The following RNF38 variants were observed in gnomAD, a reference collection of about 807,000 sequenced individuals.
The protein encoded by RNF38 is E3 ubiquitin-protein ligase RNF38.
A neutral mutation model predicts 67.2 loss-of-function variants in RNF38; 15 were observed. That is an observed-to-expected ratio of 0.22 (90% CI 0.15 to 0.34). The LOEUF (loss-of-function observed/expected upper bound fraction) is 0.34, where lower values mean the gene tolerates loss of function less well. Among genes scored for constraint, RNF38 ranks in the 10% least tolerant of loss-of-function variants. The pLI, the probability that RNF38 is intolerant of heterozygous loss-of-function variation, is 1.00. For synonymous variants in RNF38, 220 were observed against 218.8 expected (o/e 1.01, Z -0.05); for missense variants, 524 against 639.9 (o/e 0.82, Z 1.95).
intron 1 of RNF38, among the ~76,000 whole-genome samples, chr9:36,475,887 T>C (rs1389326313): frequency 6.6e-6 from 1 of 150,598 alleles, no homozygotes; most frequent in Non-Finnish European, 1.5e-5. Flanking sequence ...ATGGTGGCTG[T>C]AGTCCCAGCT....
At chr9:36,423,942 C>T (rs1418773734) in intron 2 of RNF38, among the ~76,000 whole-genome samples, 2 of 20,778 alleles carry the variant, frequency 9.6e-5, no homozygotes, top group Admixed American at 3.6e-4. Flanking sequence ...GAGCGAGACT[C>T]CGTCTCAAAA....
intron 2 of RNF38, among the ~76,000 whole-genome samples, chr9:36,382,118 CCT>C (rs745539559): frequency 1.3e-5 from 2 of 152,208 alleles, no homozygotes; most frequent in Non-Finnish European, 2.9e-5. Flanking sequence ...TTCTTTCCCT[CCT>C]CTCCTTGTTG....
intron 2 of RNF38, among the ~76,000 whole-genome samples, chr9:36,384,767 G>T (rs1199611978): frequency 6.6e-6 from 1 of 152,146 alleles, no homozygotes; most frequent in African/African-American, 2.4e-5. Flanking sequence ...TTAGGCTAAG[G>T]AAATGATGTT....
At chr9:36,461,154 G>T (rs1256095594) in intron 1 of RNF38, among the ~76,000 whole-genome samples, 1 of 151,774 alleles carries the variant, frequency 6.6e-6, no homozygotes. Flanking sequence ...GGCGGAGATT[G>T]CGGTGAGCCA....
intron 1 of RNF38, among the ~76,000 whole-genome samples, chr9:36,476,291 G>T (rs967142042): frequency 1.3e-5 from 2 of 151,816 alleles, no homozygotes; most frequent in Admixed American, 1.3e-4. Context: ...GCTAATTTTT[G>T]TATTTTAGTA....
intron 2 of RNF38, among the ~76,000 whole-genome samples, chr9:36,408,361 G>A (rs1050290509): frequency 6.6e-6 from 1 of 151,348 alleles, no homozygotes; most frequent in East Asian, 1.9e-4. Context: ...ACAGTTTGGA[G>A]TTGACCCTGG....
chr9:36,465,776 C>A (rs1205094176), intron 1 of RNF38, among the ~76,000 whole-genome samples: 2 of 152,060 alleles, frequency 1.3e-5, no homozygotes, highest in Non-Finnish European at 2.9e-5. Flanking sequence ...GCTGGCCGGG[C>A]GCGGTGGCTC....
chr9:36,372,622 T>C (rs1377682936), intron 3 of RNF38: 1 of 689,430 alleles, frequency 1.5e-6, no homozygotes, highest in East Asian at 2.7e-5. Flanking sequence ...AAGAACAGAA[T>C]ACAGAGTAAG....
chr9:36,449,288 A>C (rs1839380092), intron 1 of RNF38, among the ~76,000 whole-genome samples: 1 of 152,078 alleles, frequency 6.6e-6, no homozygotes, highest in South Asian at 2.1e-4. Flanking sequence ...ATAAACAGCC[A>C]GGTATGGTAG....
At chr9:36,347,145 G>A (rs1341072782) in intron 9 of RNF38, among the ~76,000 whole-genome samples, 1 of 50,780 alleles carries the variant, frequency 2.0e-5, no homozygotes, top group Non-Finnish European at 3.6e-5. Context: ...GGGGGGGGGG[G>A]GGGGAAGTAA....
At chr9:36,464,588 A>G (rs941715324) in intron 1 of RNF38, among the ~76,000 whole-genome samples, 1 of 151,638 alleles carries the variant, frequency 6.6e-6, no homozygotes, top group Non-Finnish European at 1.5e-5. Flanking sequence ...AAAAAAAATC[A>G]TATTTGTATC....
chr9:36,411,364 C>T (rs1361346824), intron 2 of RNF38, among the ~76,000 whole-genome samples: 3 of 152,032 alleles, frequency 2.0e-5, no homozygotes, highest in African/African-American at 7.2e-5. Context: ...TATGGCAGTT[C>T]CTCACAAAAT....
intron 2 of RNF38, among the ~76,000 whole-genome samples, chr9:36,386,578 G>A (rs1836655850): frequency 6.6e-6 from 1 of 152,156 alleles, no homozygotes; most frequent in Non-Finnish European, 1.5e-5. Context: ...CTGCTGGGCT[G>A]CATTCCCATC....
At chr9:36,376,855 G>A (rs2133863062) in intron 2 of RNF38, among the ~76,000 whole-genome samples, 1 of 151,106 alleles carries the variant, frequency 6.6e-6, no homozygotes, top group East Asian at 1.9e-4. Flanking sequence ...GAACCCAAGA[G>A]GCGGAGGTTG....
chr9:36,400,240 C>A lies in RNF38; in HGVS notation c.-132G>T. The A allele has an allele frequency of 7.0e-7, 1 of 1,421,316 alleles. No individual in the cohort carries two copies. Among genetic ancestry groups the A allele is most frequent in the Non-Finnish European group, 9.2e-7 (1 of 1,084,190 alleles). 88.0% of individuals were successfully genotyped at this position (1,421,316 alleles called of 1,614,324 possible). A position where few individuals can be genotyped will look rare whatever the true frequency, so the allele number is the denominator to read the frequency against. On this transcript the variant is annotated 5_prime_UTR_variant, in exon 1 of 12. The change creates a new upstream start codon in the 5' untranslated region. Coordinates refer to ENST00000259605, the MANE Select transcript of RNF38 (RefSeq NM_022781.5). ...GCATCCCCTGAGAACAAAACGCAGC[C>A]TATCCAGAAACCCACGGAAGCAGAA...
In RNF38 at chr9:36,347,946, G is replaced by A. The variant is rs191900954; in HGVS notation, c.1264-2993C>T. Among the ~76,000 whole-genome samples, 448 of 152,192 alleles carry A rather than the reference G, an allele frequency of 2.9e-3. 2 individuals are homozygous for A. Among genetic ancestry groups the A allele is most frequent in the South Asian group, 0.014 (68 of 4,818 alleles). The stretch of plus-strand genomic sequence containing the variant: ...AAAAAATGAGCCGGTCATGGTGGCG[G>A]GCGCCTGTAGTCCTACCTACTCGGG... On this transcript the variant is annotated intron_variant, in intron 9 of 11. Transcript: ENST00000259605.
intron 11 of RNF38, among the ~76,000 whole-genome samples, chr9:36,341,667 T>A (rs1832841242): frequency 6.6e-6 from 1 of 151,612 alleles, no homozygotes; most frequent in Non-Finnish European, 1.5e-5. Context: ...GGCCCAAGAG[T>A]TCCAGACCAG....
chr9:36,401,237 G>A (rs1156405187), upstream of RNF38: 3 of 983,856 alleles, frequency 3.0e-6, no homozygotes, highest in Non-Finnish European at 3.6e-6. Context: ...GCGCGGCCCG[G>A]CGCACGACTC....
chr9:36,356,687 A>G (rs948325682), intron 5 of RNF38, among the ~76,000 whole-genome samples: 5 of 145,766 alleles, frequency 3.4e-5, no homozygotes, highest in Non-Finnish European at 7.5e-5. Flanking sequence ...TATAATTTTT[A>G]TAAATTGGTT....
Sources: gnomAD v4.1 joint callset for allele counts (sites outside exome capture counted in the v4.1 genomes callset) on GRCh38, gnomAD v4.1.1 for gene constraint, MANE v1.5 for transcripts, NCBI Gene and HGNC (gene_info 2026-07-23, HGNC 2026-07-21) for gene names.